The following TMTC1 variants were observed in gnomAD, a reference collection of about 807,000 sequenced individuals.
The protein encoded by TMTC1 is transmembrane O-mannosyltransferase targeting cadherins 1, also known as protein O-mannosyl-transferase TMTC1.
In TMTC1, 73 loss-of-function variants were observed where a neutral mutation model predicts 104.8. The ratio of observed to expected loss-of-function variants is 0.70; its 90% CI spans 0.58 to 0.85. The LOEUF (loss-of-function observed/expected upper bound fraction) is 0.85. Among genes scored for constraint, TMTC1 ranks in the 40% least tolerant of loss-of-function variants. The pLI is 0.00. For missense variants in TMTC1, 1,035 were observed against 1,096.1 expected, an observed-to-expected ratio of 0.94 and a Z score of 0.79; for synonymous variants, 434 against 428.7, an observed-to-expected ratio of 1.01 and a Z score of -0.15.
chr12:29,657,965 T>A (rs565472284), intron 5 of TMTC1, among the ~76,000 whole-genome samples: 1 of 151,980 alleles, frequency 6.6e-6, no homozygotes, highest in South Asian at 2.1e-4. Flanking sequence ...AATTAGCATG[T>A]GCCTGTAGTC....
chr12:29,594,856 T>G (rs1379808483), intron 7 of TMTC1, among the ~76,000 whole-genome samples: 1 of 152,172 alleles, frequency 6.6e-6, no homozygotes, highest in African/African-American at 2.4e-5. Context: ...GGTTGTTCAC[T>G]TTTGAGCTGC....
chr12:29,783,506 G>T lies in TMTC1; in HGVS notation c.246C>A (p.Gly82=). 7.0e-7 allele frequency: 1 copy of T among 1,426,976 alleles called. No homozygotes were observed. The highest frequency in any genetic ancestry group is 9.2e-7 in the Non-Finnish European group (1 of 1,086,794). The allele number at this position is 1,426,976 out of a possible 1,614,324, so 88.4% of individuals were successfully genotyped here. The part of the protein sequence containing the change: ...GIFTNDFWGK[G]MAENTSHKSY... ...ACTTGTGGCTGGTGTTCTCGGCCAT[G>T]CCCTTGCCCCAGAAGTCGTTGGTGA... Residue 82 remains glycine (G), a synonymous_variant, in exon 1 of 18, where the codon GGC becomes GGA. Transcript: ENST00000539277. This position sits in a 1 kb window ranked among gnomAD's most constrained non-coding sequence, Gnocchi z 4.7.
At chr12:29,629,101 C>T (rs1401002267) in intron 6 of TMTC1, among the ~76,000 whole-genome samples, 4 of 151,806 alleles carry the variant, frequency 2.6e-5, no homozygotes, top group Admixed American at 6.6e-5. Flanking sequence ...AGGTGGATCA[C>T]GAGGTCAGGA....
intron 10 of TMTC1, among the ~76,000 whole-genome samples, chr12:29,551,189 A>G (rs11050278): frequency 0.19 from 28,337 of 152,048 alleles, 3,074 homozygotes; most frequent in East Asian, 0.37. Flanking sequence ...GGTGTTAAAA[A>G]GTTTTCTTTA....
At chr12:29,753,353 C>T (rs1943137761) in intron 4 of TMTC1, among the ~76,000 whole-genome samples, 1 of 152,154 alleles carries the variant, frequency 6.6e-6, no homozygotes, top group African/African-American at 2.4e-5. Flanking sequence ...GGTGCCTGAG[C>T]AGCAGACGTC....
chr12:29,537,851 A>G (rs1944687209), intron 10 of TMTC1, among the ~76,000 whole-genome samples: 1 of 152,242 alleles, frequency 6.6e-6, no homozygotes, highest in African/African-American at 2.4e-5. Flanking sequence ...AAGTGTTAGA[A>G]GCAGCTTGTT....
intron 11 of TMTC1, among the ~76,000 whole-genome samples, chr12:29,526,241 G>C (rs950378002): frequency 1.3e-5 from 2 of 152,158 alleles, no homozygotes; most frequent in Non-Finnish European, 2.9e-5. Flanking sequence ...ATGGCATACA[G>C]AACTTTTAAC....
At chr12:29,760,603 G>A (rs1943321261) in intron 2 of TMTC1, among the ~76,000 whole-genome samples, 1 of 152,062 alleles carries the variant, frequency 6.6e-6, no homozygotes, top group Non-Finnish European at 1.5e-5. Context: ...TCCTGAGAAG[G>A]AACCATCATA....
At chr12:29,521,703 G>T (rs1592164117) in intron 11 of TMTC1, among the ~76,000 whole-genome samples, 1 of 151,894 alleles carries the variant, frequency 6.6e-6, no homozygotes, top group Non-Finnish European at 1.5e-5. Context: ...GAGTAGCTGG[G>T]ATTACAGGCA....
chr12:29,736,034 C>A lies in TMTC1; in HGVS notation c.938+15632G>T, dbSNP rs145241254. On this transcript the variant is annotated intron_variant, in intron 5 of 17. Coordinates refer to ENST00000539277, the MANE Select transcript of TMTC1 (RefSeq NM_001193451.2). ...TCCTGTGGGTACATTTTCTTCCTGG[C>A]CACATAGATCGTCCAGTCCATTCTC... Among the ~76,000 whole-genome samples, 901 of 152,190 alleles carry A rather than the reference C, an allele frequency of 5.9e-3. 13 individuals are homozygous for A. The highest frequency in any genetic ancestry group is 0.021 in the African/African-American group (861 of 41,528).
intron 5 of TMTC1, among the ~76,000 whole-genome samples, chr12:29,693,309 T>C (rs1941319399): frequency 6.9e-6 from 1 of 145,038 alleles, no homozygotes; most frequent in Non-Finnish European, 1.5e-5. Flanking sequence ...TGTGTGCTGA[T>C]CAAATCAGGA....
chr12:29,721,420 T>C (rs10743671), intron 5 of TMTC1, among the ~76,000 whole-genome samples: 69,276 of 151,894 alleles, frequency 0.46, 16,165 homozygotes, highest in South Asian at 0.61. Flanking sequence ...AGCATAGTTA[T>C]AACAAATTAG....
Position 29,783,820 on chromosome 12 carries a change from G to C in TMTC1, c.-69C>G. 1 of 1,098,828 alleles carries C rather than the reference G, an allele frequency of 9.1e-7. No individual in the cohort carries two copies. The highest frequency in any genetic ancestry group is 1.1e-6 in the Non-Finnish European group (1 of 904,214). The allele number at this position is 1,098,828 out of a possible 1,614,324, so 68.1% of individuals were successfully genotyped here. A position where few individuals can be genotyped will look rare whatever the true frequency, so the allele number is the denominator to read the frequency against. On this transcript the variant is annotated 5_prime_UTR_variant, in exon 1 of 18. Coordinates refer to ENST00000539277, the MANE Select transcript of TMTC1 (RefSeq NM_001193451.2). The surrounding 1 kb of genome is among the most constrained non-coding windows in gnomAD (Gnocchi z 4.7). ...TGGCATCCTCCCCTACCGGGGCCCC[G>C]GCGGCGCGCGGCGTCTGCCCGGAGG...
At chr12:29,678,233 A>G (rs1940796623) in intron 5 of TMTC1, among the ~76,000 whole-genome samples, 1 of 152,210 alleles carries the variant, frequency 6.6e-6, no homozygotes, top group Non-Finnish European at 1.5e-5. Context: ...CTAAAACAAA[A>G]TAAAACCATA....
intron 6 of TMTC1, among the ~76,000 whole-genome samples, chr12:29,630,923 T>C (rs1000239310): frequency 6.6e-6 from 1 of 152,192 alleles, no homozygotes; most frequent in Non-Finnish European, 1.5e-5. Context: ...ACGCTCAGTG[T>C]TGGGAATCTT....
chr12:29,741,547 C>CA (rs1039517865), intron 5 of TMTC1, among the ~76,000 whole-genome samples: 5 of 152,180 alleles, frequency 3.3e-5, no homozygotes, highest in Non-Finnish European at 4.4e-5. Flanking sequence ...AGGGACATCG[C>CA]AAATCAGAAT....
intron 9 of TMTC1, among the ~76,000 whole-genome samples, chr12:29,558,955 A>T (rs1424482537): frequency 1.3e-5 from 2 of 152,224 alleles, no homozygotes; most frequent in East Asian, 3.8e-4. Flanking sequence ...AGAGCACATC[A>T]CAGCCAGGAC....
At chr12:29,776,782 C>T (rs964580504) in intron 1 of TMTC1, among the ~76,000 whole-genome samples, 27 of 152,256 alleles carry the variant, frequency 1.8e-4, no homozygotes, top group Middle Eastern at 3.4e-3. Context: ...GGGAAGGCCT[C>T]CGGGATGAAG....
chr12:29,536,105 C>G (rs1944634903), intron 11 of TMTC1, 104 bp downstream of exon 11: 1 of 782,500 alleles, frequency 1.3e-6, no homozygotes, highest in Non-Finnish European at 2.2e-6. Flanking sequence ...GATTGGTTGT[C>G]CAATATGGGT....
Sources: allele counts gnomAD v4.1 joint callset (sites outside exome capture counted in the v4.1 genomes callset), GRCh38; gene constraint gnomAD v4.1.1; non-coding constraint Gnocchi (gnomAD v3.1); transcripts MANE v1.5; gene names NCBI Gene and HGNC (gene_info 2026-07-23, HGNC 2026-07-21).